The following TTC9C variants were observed in gnomAD, a reference collection of about 807,000 sequenced individuals.
The protein encoded by TTC9C is tetratricopeptide repeat protein 9C.
TTC9C carries 15 observed loss-of-function variants against 22.5 expected under a neutral mutation model. The ratio of observed to expected loss-of-function variants is 0.67; its 90% CI spans 0.45 to 1.03. The LOEUF (loss-of-function observed/expected upper bound fraction) is 1.03, where lower values mean the gene tolerates loss of function less well. Ranked by LOEUF, TTC9C falls within the 50% of genes least tolerant of loss-of-function variation. The pLI is 0.00. For synonymous variants in TTC9C, 92 were observed against 86.8 expected, an observed-to-expected ratio of 1.06 and a Z score of -0.33; for missense variants, 244 against 214.6, an observed-to-expected ratio of 1.14 and a Z score of -0.86.
intron 1 of TTC9C, among the ~76,000 whole-genome samples, chr11:62,731,752 T>C (rs949371686): frequency 6.6e-6 from 1 of 150,984 alleles, no homozygotes; most frequent in Non-Finnish European, 1.5e-5. Context: ...TGCAGTGGCG[T>C]GATCTCACCG....
At chr11:62,734,221 C>G (rs1476838841) in intron 1 of TTC9C, among the ~76,000 whole-genome samples, 1 of 151,746 alleles carries the variant, frequency 6.6e-6, no homozygotes, top group East Asian at 1.9e-4. Context: ...TCACTTGAAC[C>G]CAGGAGGCGG....
rs541716683 is a variant in TTC9C, at chr11:62,728,613, C to G, written c.-236C>G. The G allele has an allele frequency of 2.7e-4, 176 of 653,020 alleles. 1 individual carries two copies. Among genetic ancestry groups the G allele is most frequent in the African/African-American group, 2.7e-3 (151 of 56,380 alleles). 40.5% of individuals were successfully genotyped at this position (653,020 alleles called of 1,614,324 possible). On this transcript the variant is annotated 5_prime_UTR_variant, in exon 1 of 3. Transcript: ENST00000316461. ...ACTTAATGTTGGGCTTCATTATTCC[C>G]ACATCCCTTTCCTTACTACTTGCCT...
intron 1 of TTC9C, among the ~76,000 whole-genome samples, chr11:62,731,745 A>G (rs2083852194): frequency 6.7e-6 from 1 of 149,656 alleles, no homozygotes; most frequent in Non-Finnish European, 1.5e-5. Context: ...GCTGGAGTGC[A>G]GTGGCGTGAT....
At chr11:62,737,056 G>A (rs766060738) in intron 2 of TTC9C, among the ~76,000 whole-genome samples, 9 of 151,832 alleles carry the variant, frequency 5.9e-5, no homozygotes, top group East Asian at 5.8e-4. Context: ...GAAATTAGCC[G>A]GGCGTGGTGG....
At chr11:62,730,059 C>T (rs750733226) in intron 1 of TTC9C, among the ~76,000 whole-genome samples, 4 of 152,080 alleles carry the variant, frequency 2.6e-5, no homozygotes, top group Non-Finnish European at 4.4e-5. Context: ...GGTCGTATAG[C>T]TTTTCCTCAT....
intron 1 of TTC9C, among the ~76,000 whole-genome samples, chr11:62,735,127 C>T (rs2083895680): frequency 6.6e-6 from 1 of 152,188 alleles, no homozygotes; most frequent in South Asian, 2.1e-4. Flanking sequence ...CTCCCGACCT[C>T]AGGTGATCCA....
At position 62,728,976 on chromosome 11, in the gene TTC9C, C is replaced by T. The variant is rs576243519; in HGVS notation, c.128C>T (p.Pro43Leu). The T allele has an allele frequency of 6.2e-7, 1 of 1,614,124 alleles. No homozygotes were observed. The highest frequency in any genetic ancestry group is 1.3e-5 in the African/African-American group (1 of 75,028). ...CTGCTTCAGCTGCGGGGTCTGGATC[C>T]GAGTCTGCCCTCTCCGTTACCTAAT... ...RALLQLRGLD[P>L]SLPSPLPNLG... Residue 43 changes from proline (P) to leucine (L), a missense_variant, in exon 1 of 3, where the codon CCG becomes CTG. Physicochemically the swap from Pro to Leu is moderately conservative, Grantham distance 98. Transcript: ENST00000316461.
At chr11:62,733,828 C>T (rs2083879956) in intron 1 of TTC9C, among the ~76,000 whole-genome samples, 1 of 151,800 alleles carries the variant, frequency 6.6e-6, no homozygotes, top group African/African-American at 2.4e-5. Flanking sequence ...CCCGTCTGTA[C>T]TAAAAATACA....
chr11:62,736,416 C>T (rs368713865), intron 2 of TTC9C, among the ~76,000 whole-genome samples: 6 of 151,528 alleles, frequency 4.0e-5, no homozygotes, highest in East Asian at 1.9e-4. Flanking sequence ...CGGGTGTGGC[C>T]GGGCGCAGTG....
intron 1 of TTC9C, among the ~76,000 whole-genome samples, chr11:62,731,378 G>C (rs1371336444): frequency 6.6e-6 from 1 of 152,114 alleles, no homozygotes; most frequent in Non-Finnish European, 1.5e-5. Context: ...CCAACACCTT[G>C]GTAGGCCGAG....
intron 1 of TTC9C, chr11:62,733,264 C>A: frequency 1.2e-6 from 1 of 851,246 alleles, no homozygotes. Context: ...TGTATTGTTA[C>A]TGAGAATGAT....
chr11:62,735,034 T>TA (rs2083894589), intron 1 of TTC9C, among the ~76,000 whole-genome samples: 1 of 152,084 alleles, frequency 6.6e-6, no homozygotes, highest in African/African-American at 2.4e-5. Context: ...GTAGCTGGGA[T>TA]TACAGGCATG....
At chr11:62,736,555 G>A (rs1447282941) in intron 2 of TTC9C, among the ~76,000 whole-genome samples, 1 of 151,810 alleles carries the variant, frequency 6.6e-6, no homozygotes, top group South Asian at 2.1e-4. Context: ...TTAGCCGGAC[G>A]TGGTGGTGAG....
chr11:62,738,479 C>A lies in TTC9C; in HGVS notation c.*97C>A. 2.5e-6 allele frequency: 2 copies of A among 804,012 alleles called. No homozygotes were observed. Among genetic ancestry groups the A allele is most frequent in the Non-Finnish European group, 4.0e-6 (2 of 501,084 alleles). The allele number at this position is 804,012 out of a possible 1,614,324, so 49.8% of individuals were successfully genotyped here. A position where few individuals can be genotyped will look rare whatever the true frequency, so the allele number is the denominator to read the frequency against. ...CTCAGCAAGAGAAATTAACCCTATACCTCTGACCCAGGTGGATTTTTGTTT... is the reference window on the plus strand; with the variant it reads ...CTCAGCAAGAGAAATTAACCCTATAACTCTGACCCAGGTGGATTTTTGTTT... On this transcript the variant is annotated 3_prime_UTR_variant, in exon 3 of 3. Transcript: ENST00000316461.
intron 2 of TTC9C, chr11:62,735,858 T>C (rs2083905441): frequency 5.2e-6 from 1 of 191,150 alleles, no homozygotes; most frequent in Admixed American, 5.4e-5. Flanking sequence ...TGTATGCCTA[T>C]TCTAATATAT....
chr11:62,735,434 T>G lies in TTC9C; in HGVS notation c.291T>G (p.Ser97Arg), dbSNP rs747287467. The G allele has an allele frequency of 6.2e-7, 1 of 1,614,084 alleles. No individual in the cohort carries two copies. Among genetic ancestry groups the G allele is most frequent in the South Asian group, 1.1e-5 (1 of 91,082 alleles). ...ACTACGAACGAGTGAGAGAATATAG[T>G]CAGAAAGTCCTGGAACGACAGCCTG... ...PVNYERVREY[S>R]QKVLERQPDN... The change falls in exon 2 of 3, where the codon AGT becomes AGG. Residue 97 changes from serine to arginine, a missense_variant. Coordinates refer to ENST00000316461, the MANE Select transcript of TTC9C (RefSeq NM_173810.4).
At chr11:62,732,189 G>T in intron 1 of TTC9C, among the ~76,000 whole-genome samples, 1 of 151,338 alleles carries the variant, frequency 6.6e-6, no homozygotes, top group Non-Finnish European at 1.5e-5. Flanking sequence ...TAGAGACGGG[G>T]TTTTACCGTG....
Position 62,728,520 on chromosome 11 carries a change from C to G in TTC9C, c.-329C>G, listed in dbSNP as rs1416373997. Reference sequence around the variant, plus strand: ...GGCGTTCTCACGCCCGCAACAATTCCTGAGTAGGGCCTTGCTTGAGTTCTT... The same window carrying G: ...GGCGTTCTCACGCCCGCAACAATTCGTGAGTAGGGCCTTGCTTGAGTTCTT... On this transcript the variant is annotated 5_prime_UTR_variant, in exon 1 of 3. Transcript: ENST00000316461. 4.0e-6 allele frequency: 2 copies of G among 494,476 alleles called. No individual in the cohort carries two copies. The highest frequency in any genetic ancestry group is 1.5e-5 in the South Asian group (1 of 64,894). The allele number at this position is 494,476 out of a possible 1,614,324, so 30.6% of individuals were successfully genotyped here.
At chr11:62,728,451 CG>C (rs527854814), upstream of TTC9C, 691 of 443,492 alleles carry the variant, frequency 1.6e-3, 2 homozygotes, top group African/African-American at 4.5e-3. Flanking sequence ...ACTTCCAGGT[CG>C]GGGGGGGGCG....
Sources: gnomAD v4.1 joint callset for allele counts (sites outside exome capture counted in the v4.1 genomes callset) on GRCh38, gnomAD v4.1.1 for gene constraint, MANE v1.5 for transcripts, NCBI Gene and HGNC (gene_info 2026-07-23, HGNC 2026-07-21) for gene names.